Variants in CHD1 observed in about 807,000 individuals in gnomAD.
The protein encoded by CHD1 is ATP-dependent chromatin remodeler CHD1.
Under a neutral mutation model 224.2 loss-of-function variants are expected in CHD1, and 36 were observed. The ratio of observed to expected loss-of-function variants is 0.16; its 90% CI spans 0.12 to 0.21. The LOEUF (loss-of-function observed/expected upper bound fraction) is 0.21, where lower values mean the gene tolerates loss of function less well. Ranked by LOEUF, CHD1 falls within the 10% of genes least tolerant of loss-of-function variation. The pLI is 1.00. For missense variants in CHD1, 1,378 were observed against 1,994.8 expected, an observed-to-expected ratio of 0.69 and a Z score of 5.89; for synonymous variants, 668 against 658.3, an observed-to-expected ratio of 1.01 and a Z score of -0.23.
At chr5:98,896,187 G>C in intron 12 of CHD1, 39 bp downstream of exon 12, 1 of 1,513,392 alleles carries the variant, frequency 6.6e-7, no homozygotes, top group Non-Finnish European at 9.2e-7. Flanking sequence ...TCAAAGACAA[G>C]TACATTTTGA....
intron 2 of CHD1, among the ~76,000 whole-genome samples, chr5:98,909,050 A>G (rs921323267): frequency 6.6e-6 from 1 of 152,140 alleles, no homozygotes; most frequent in African/African-American, 2.4e-5. Flanking sequence ...TTAGCAACTC[A>G]TACCAATCTT....
intron 11 of CHD1, among the ~76,000 whole-genome samples, chr5:98,896,946 T>A (rs998873756): frequency 6.6e-6 from 1 of 152,094 alleles, no homozygotes; most frequent in African/African-American, 2.4e-5. Flanking sequence ...AGAACAGATA[T>A]GCATTTTGAT....
intron 2 of CHD1, among the ~76,000 whole-genome samples, chr5:98,916,885 C>A (rs1330071828): frequency 6.6e-6 from 1 of 152,032 alleles, no homozygotes; most frequent in East Asian, 1.9e-4. Context: ...ACCCCTTATA[C>A]AACTAATTCT....
At chr5:98,897,671 C>T (rs978597966) in intron 10 of CHD1, among the ~76,000 whole-genome samples, 1 of 152,132 alleles carries the variant, frequency 6.6e-6, no homozygotes, top group Admixed American at 6.5e-5. Flanking sequence ...CTTAGCTTAC[C>T]GTTCAATTTC....
intron 35 of CHD1, among the ~76,000 whole-genome samples, chr5:98,857,922 G>A (rs1020231632): frequency 1.3e-5 from 2 of 151,850 alleles, no homozygotes; most frequent in Admixed American, 6.6e-5. Context: ...TGAACCCCAC[G>A]CAATTTATAA....
At chr5:98,889,287 G>C in intron 15 of CHD1, 49 bp from the exon 16 acceptor site, 2 of 1,342,520 alleles carry the variant, frequency 1.5e-6, no homozygotes, top group African/African-American at 1.5e-5. Flanking sequence ...CAATTACCAG[G>C]ATAAATTCTA....
At chr5:98,916,283 C>T (rs981754116) in intron 2 of CHD1, among the ~76,000 whole-genome samples, 3 of 151,960 alleles carry the variant, frequency 2.0e-5, no homozygotes, top group Admixed American at 6.6e-5. Flanking sequence ...TGGTGGCCCA[C>T]ACCTGTAATC....
chr5:98,872,256 T>C, intron 27 of CHD1, 55 bp from the exon 28 acceptor site: 1 of 1,552,124 alleles, frequency 6.4e-7, no homozygotes, highest in East Asian at 2.3e-5. Context: ...AACTGAAAAA[T>C]TAATTTTGAA....
In CHD1 at chr5:98,898,649, T is replaced by C. The variant is rs764316062; in HGVS notation, c.1186+15A>G. Reference sequence around the variant, plus strand: ...GCATAAAAAGAAAGTTTAACTAGAATCATTTATCACTAACCAATTATACGT... The same window carrying C: ...GCATAAAAAGAAAGTTTAACTAGAACCATTTATCACTAACCAATTATACGT... On this transcript the variant is annotated intron_variant, in intron 9 of 35. Transcript: ENST00000614616. 4.2e-6 allele frequency: 6 copies of C among 1,434,406 alleles called. No individual in the cohort carries two copies. 88.9% of individuals were successfully genotyped at this position (1,434,406 alleles called of 1,614,324 possible).
intron 15 of CHD1, 120 bp downstream of exon 15, chr5:98,892,405 C>T (rs376857831): frequency 8.2e-6 from 5 of 612,432 alleles, no homozygotes; most frequent in African/African-American, 5.5e-5. Context: ...TTCTGAAACT[C>T]GAGAATTGCA....
rs958399539 is a variant in CHD1 at position 98,901,820 on chromosome 5, T to C, written c.438-485A>G. Among the ~76,000 whole-genome samples, 6 of 151,970 alleles carry C rather than the reference T, an allele frequency of 3.9e-5. No homozygotes were observed. The East Asian group carries it at 7.7e-4, about 19-fold the overall frequency. ...TCTGAGTACCTTACCTGTATTATTA[T>C]TTTTAGTCTATTAAGTCTATTTCAT... On this transcript the variant is annotated intron_variant, in intron 5 of 35. Transcript: ENST00000614616.
intron 2 of CHD1, among the ~76,000 whole-genome samples, chr5:98,919,422 A>G (rs533451138): frequency 1.3e-5 from 2 of 152,368 alleles, no homozygotes; most frequent in Non-Finnish European, 2.9e-5. Context: ...AGAAAAATGA[A>G]CTTGACCAAC....
At chr5:98,868,733 T>G in intron 30 of CHD1, 98 bp from the exon 31 acceptor site, 1 of 1,167,450 alleles carries the variant, frequency 8.6e-7, no homozygotes, top group Admixed American at 2.8e-5. Flanking sequence ...CTCATTTTAT[T>G]CTACAAGTGC....
chr5:98,917,248 G>C (rs1347855841), intron 2 of CHD1, among the ~76,000 whole-genome samples: 1 of 131,738 alleles, frequency 7.6e-6, no homozygotes, highest in Non-Finnish European at 1.6e-5. Flanking sequence ...TAACATACGT[G>C]AAATTTAAGA....
At chr5:98,877,282 C>G (rs1749832788) in intron 23 of CHD1, among the ~76,000 whole-genome samples, 1 of 152,220 alleles carries the variant, frequency 6.6e-6, no homozygotes, top group Non-Finnish European at 1.5e-5. Flanking sequence ...AATTAACATT[C>G]ATGACATACT....
chr5:98,892,434 T>C, intron 15 of CHD1, 91 bp downstream of exon 15: 1 of 858,688 alleles, frequency 1.2e-6, no homozygotes, highest in Non-Finnish European at 1.8e-6. Context: ...AAGACACTAT[T>C]GTAGAGAAGG....
rs999562224 is a variant in CHD1, at chr5:98,858,367, T to C, written c.4600A>G (p.Thr1534Ala). ...NPDVERLKEN[T>A]NHDDSSRDSY... ...TCCCTGCTGCTATCATCGTGATTTGTATTCTCTTTTAATCTTTCCACATCT... is the reference window on the plus strand; with the variant it reads ...TCCCTGCTGCTATCATCGTGATTTGCATTCTCTTTTAATCTTTCCACATCT... Residue 1534 changes from threonine to alanine, a missense_variant, in exon 35 of 36, where the codon ACA (threonine) becomes GCA (alanine). Physicochemically the swap from Thr to Ala is moderately conservative, Grantham distance 58 (BLOSUM62 0). This residue lies in a region of CHD1 where 278 missense variants were observed against 298.5 expected (regional missense o/e 0.93). Transcript: ENST00000614616. The C allele has an allele frequency of 6.2e-7, 1 of 1,612,594 alleles. No individual in the cohort carries two copies. Among genetic ancestry groups the C allele is most frequent in the Non-Finnish European group, 8.5e-7 (1 of 1,178,898 alleles).
At chr5:98,912,378 G>A (rs1160493001) in intron 2 of CHD1, among the ~76,000 whole-genome samples, 1 of 152,060 alleles carries the variant, frequency 6.6e-6, no homozygotes, top group Non-Finnish European at 1.5e-5. Flanking sequence ...ATTAAAGAAG[G>A]CAAATGTCAA....
chr5:98,905,221 G>A, intron 2 of CHD1, 123 bp from the exon 3 acceptor site: 1 of 1,158,634 alleles, frequency 8.6e-7, no homozygotes, highest in South Asian at 1.6e-5. Context: ...ACTATCTTTG[G>A]CCAAAAAAAA....
Sources: allele counts gnomAD v4.1 joint callset (sites outside exome capture counted in the v4.1 genomes callset), GRCh38; gene constraint gnomAD v4.1.1; regional missense constraint gnomAD v4.1.1; transcripts MANE v1.5; gene names NCBI Gene and HGNC (gene_info 2026-07-23, HGNC 2026-07-21).